CAMSAP2: variants seen among roughly 807,000 people sequenced by gnomAD.
CAMSAP2 encodes calmodulin regulated spectrin associated protein family member 2.
A neutral mutation model predicts 146.1 loss-of-function variants in CAMSAP2; 26 were observed. The ratio of observed to expected loss-of-function variants is 0.18; its 90% confidence interval spans 0.13 to 0.25. CAMSAP2 has a LOEUF of 0.25. Among genes scored for constraint, CAMSAP2 ranks in the 10% least tolerant of loss-of-function variants. The probability of loss-of-function intolerance (pLI) is 1.00; values close to 1 mark genes in which losing one functional copy is unlikely to be tolerated. For synonymous variants in CAMSAP2, 499 were observed against 596.6 expected (o/e 0.84, Z 2.38); for missense variants, 1,381 against 1,759.3 (o/e 0.78, Z 3.85).
At position 200,739,658 on chromosome 1, in the gene CAMSAP2, G is replaced by T. The variant is rs1664090630; in HGVS notation, c.-170G>T. On this transcript the variant is annotated 5_prime_UTR_variant, in exon 1 of 17. Coordinates refer to ENST00000358823, the MANE Select transcript of CAMSAP2 (RefSeq NM_203459.4). The surrounding 1 kb of genome is among the most constrained non-coding windows in gnomAD (Gnocchi z 4.8). ...GCGGCGGCGGCTCCCGCGGGAGGCGGCAGGCGCGCGGCGCGGACAGCTGAG... is the reference window on the plus strand; with the variant it reads ...GCGGCGGCGGCTCCCGCGGGAGGCGTCAGGCGCGCGGCGCGGACAGCTGAG... 6 of 484,482 alleles carry T rather than the reference G, an allele frequency of 1.2e-5. No individual in the cohort carries two copies. The highest frequency in any genetic ancestry group is 1.9e-5 in the Non-Finnish European group (6 of 314,014). The allele number at this position is 484,482 out of a possible 1,614,324, so 30.0% of individuals were successfully genotyped here. A position where few individuals can be genotyped will look rare whatever the true frequency, so the allele number is the denominator to read the frequency against.
Position 200,851,174 on chromosome 1 carries a change from G to T in CAMSAP2, c.3465+940G>T, listed in dbSNP as rs551095370. 3.9e-5 allele frequency among the ~76,000 whole-genome samples: 6 copies of T among 152,102 alleles called. No homozygotes were observed. The East Asian group carries it at 1.2e-3, about 29-fold the overall frequency. On this transcript the variant is annotated intron_variant, in intron 11 of 16. Transcript: ENST00000358823. ...TCTCTTAGACCATGACCTCCTAGAG[G>T]TGCTGCATCTTTTTATTTTTATTTA...
At position 200,739,463 on chromosome 1, in the gene CAMSAP2, C is replaced by A. The variant is rs1571701048; in HGVS notation, c.-365C>A. 6.5e-6 allele frequency: 1 copy of A among 153,714 alleles called. No individual in the cohort carries two copies. Among genetic ancestry groups the A allele is most frequent in the African/African-American group, 2.4e-5 (1 of 41,614 alleles). The allele number at this position is 153,714 out of a possible 1,614,324, so 9.5% of individuals were successfully genotyped here. On this transcript the variant is annotated 5_prime_UTR_variant, in exon 1 of 17. Coordinates refer to ENST00000358823, the MANE Select transcript of CAMSAP2 (RefSeq NM_203459.4). This position sits in a 1 kb window ranked among gnomAD's most constrained non-coding sequence, Gnocchi z 4.8. ...AATTCCGGGCCCTTCCAGCCTCCAC[C>A]CTCCCCCAAGCCCGTGTGACTAAAC...
intron 2 of CAMSAP2, among the ~76,000 whole-genome samples, chr1:200,803,570 G>A (rs1216122585): frequency 6.6e-6 from 1 of 150,820 alleles, no homozygotes; most frequent in Non-Finnish European, 1.5e-5. Context: ...TATACTTTCT[G>A]TTATACATAA....
chr1:200,825,513 T>G (rs1666882161), intron 4 of CAMSAP2, among the ~76,000 whole-genome samples: 1 of 151,266 alleles, frequency 6.6e-6, no homozygotes, highest in Admixed American at 6.6e-5. Context: ...TTCTTCCTTT[T>G]TTTTTTTTTT....
intron 2 of CAMSAP2, among the ~76,000 whole-genome samples, chr1:200,794,737 G>A (rs890944297): frequency 6.6e-6 from 1 of 152,118 alleles, no homozygotes; most frequent in Non-Finnish European, 1.5e-5. Flanking sequence ...TGTCTATCTG[G>A]ATTCACCAGC....
At chr1:200,813,465 A>C (rs530408456) in intron 3 of CAMSAP2, among the ~76,000 whole-genome samples, 1 of 152,310 alleles carries the variant, frequency 6.6e-6, no homozygotes, top group African/African-American at 2.4e-5. Context: ...TATTTATAGC[A>C]TTTACAAATG....
intron 2 of CAMSAP2, among the ~76,000 whole-genome samples, chr1:200,768,366 C>G (rs1665016208): frequency 6.6e-6 from 1 of 152,170 alleles, no homozygotes; most frequent in African/African-American, 2.4e-5. Context: ...GGCGTTAGCA[C>G]TAGCTGCCTT....
intron 1 of CAMSAP2, among the ~76,000 whole-genome samples, chr1:200,745,232 G>A (rs896944806): frequency 6.6e-6 from 1 of 152,076 alleles, no homozygotes; most frequent in Non-Finnish European, 1.5e-5. Context: ...CCCACCTGAT[G>A]CCAGTAGTGT....
At position 200,849,476 on chromosome 1, in the gene CAMSAP2, C is replaced by G; in HGVS notation, c.2707C>G (p.Leu903Val). The G allele has an allele frequency of 6.2e-7, 1 of 1,614,238 alleles. No individual in the cohort carries two copies. Among genetic ancestry groups the G allele is most frequent in the Non-Finnish European group, 8.5e-7 (1 of 1,180,036 alleles). ...ACAACAAGAAATGCAACGCTTGTCA[C>G]TTCAGCAGGAGATGTTAATGCAGAT... The part of the protein sequence containing the change: ...FLQQEMQRLS[L>V]QQEMLMQMRE... The change falls in exon 11 of 17, where the codon CTT becomes GTT. Residue 903 changes from leucine (L) to valine (V), a missense_variant. Physicochemically the swap from Leu to Val is conservative, Grantham distance 32. Coordinates refer to ENST00000358823, the MANE Select transcript of CAMSAP2 (RefSeq NM_203459.4). This position sits in a 1 kb window ranked among gnomAD's most constrained non-coding sequence, Gnocchi z 6.3.
intron 2 of CAMSAP2, among the ~76,000 whole-genome samples, chr1:200,784,898 G>A (rs1665541877): frequency 6.6e-6 from 1 of 152,196 alleles, no homozygotes; most frequent in African/African-American, 2.4e-5. Flanking sequence ...GTTCTTTTTC[G>A]GGTTAAGGGA....
rs189804284 is a variant in CAMSAP2 at position 200,818,622 on chromosome 1, A to G, written c.645+2978A>G. Reference sequence around the variant, plus strand: ...TCTTACTGTAGGTTCAGGTGTTGTCATTATGAAGAAACACACAATCACAGA... The same window carrying G: ...TCTTACTGTAGGTTCAGGTGTTGTCGTTATGAAGAAACACACAATCACAGA... On this transcript the variant is annotated intron_variant, in intron 4 of 16. Coordinates refer to ENST00000358823, the MANE Select transcript of CAMSAP2 (RefSeq NM_203459.4). Among the ~76,000 whole-genome samples the G allele has an allele frequency of 1.2e-4, 19 of 152,214 alleles. 1 individual carries two copies. The East Asian group carries it at 3.7e-3, about 29-fold the overall frequency.
chr1:200,817,233 TACACAC>T lies in CAMSAP2; in HGVS notation c.645+1591_645+1596del, dbSNP rs1166145429. Among the ~76,000 whole-genome samples the T allele has an allele frequency of 3.9e-4, 18 of 46,482 alleles. No homozygotes were observed. In the East Asian group the frequency reaches 0.011, roughly 28 times the overall value. The allele number at this position is 46,482 out of a possible 152,430, so 30.5% of individuals were successfully genotyped here. ...ACATACACACATATGTGTGTGTATA[TACACAC>T]ATACACACATATGTGTGTGTATATA... On this transcript the variant is annotated intron_variant, in intron 4 of 16. Coordinates refer to ENST00000358823, the MANE Select transcript of CAMSAP2 (RefSeq NM_203459.4).
intron 2 of CAMSAP2, among the ~76,000 whole-genome samples, chr1:200,784,559 T>A (rs1033618132): frequency 6.6e-6 from 1 of 152,252 alleles, no homozygotes; most frequent in African/African-American, 2.4e-5. Context: ...AAATTATTTA[T>A]TGCTAATATA....
At chr1:200,774,521 G>A (rs1204957166) in intron 2 of CAMSAP2, among the ~76,000 whole-genome samples, 4 of 152,148 alleles carry the variant, frequency 2.6e-5, no homozygotes, top group Non-Finnish European at 5.9e-5. Context: ...TTTGTGGTTA[G>A]CAAACAAGTA....
At chr1:200,790,358 G>A (rs915680015) in intron 2 of CAMSAP2, among the ~76,000 whole-genome samples, 1 of 152,142 alleles carries the variant, frequency 6.6e-6, no homozygotes, top group African/African-American at 2.4e-5. Context: ...GGGCTGGGGG[G>A]AAGGGTTGGG....
intron 4 of CAMSAP2, among the ~76,000 whole-genome samples, chr1:200,829,772 G>C (rs6690988): frequency 0.31 from 46,696 of 151,742 alleles, 8,290 homozygotes; most frequent in East Asian, 0.53. Flanking sequence ...ACAAAAAATA[G>C]AAAAATGAGG....
intron 2 of CAMSAP2, among the ~76,000 whole-genome samples, chr1:200,806,765 G>GTGTGTATCTATCTATC (rs1396000266): frequency 1.4e-5 from 2 of 140,226 alleles, no homozygotes; most frequent in African/African-American, 5.4e-5. Flanking sequence ...GTGTGTGTGT[G>GTGTGTATCTATCTATC]TATCTATCTA....
chr1:200,782,492 A>G (rs748672778), intron 2 of CAMSAP2, among the ~76,000 whole-genome samples: 1 of 152,134 alleles, frequency 6.6e-6, no homozygotes, highest in African/African-American at 2.4e-5. Flanking sequence ...GCATCCATTA[A>G]TCTCAGTTCT....
At chr1:200,855,217 G>T (rs969230081) in intron 14 of CAMSAP2, among the ~76,000 whole-genome samples, 5 of 152,108 alleles carry the variant, frequency 3.3e-5, no homozygotes, top group Non-Finnish European at 7.4e-5. Context: ...TCAGTAGAAT[G>T]AGAGTACCAA....
Sources: allele counts gnomAD v4.1 joint callset (sites outside exome capture counted in the v4.1 genomes callset), GRCh38; gene constraint gnomAD v4.1.1; non-coding constraint Gnocchi (gnomAD v3.1); transcripts MANE v1.5; gene names NCBI Gene and HGNC (gene_info 2026-07-23, HGNC 2026-07-21).